LRRC1: variants seen among roughly 807,000 people sequenced by gnomAD.
The protein encoded by LRRC1 is leucine rich repeat containing 1.
LRRC1 carries 28 observed loss-of-function variants against 69.9 expected under a neutral mutation model. The observed-to-expected ratio is 0.40, with a 90% confidence interval of 0.30 to 0.55. The LOEUF is 0.55. Ranked by LOEUF, LRRC1 falls within the 20% of genes least tolerant of loss-of-function variation. LRRC1 has a pLI of 0.47. For synonymous variants in LRRC1, 236 were observed against 240.2 expected (o/e 0.98, Z 0.16); for missense variants, 498 against 609.0 (o/e 0.82, Z 1.92).
chr6:53,894,119 G>T (rs1767792131), intron 4 of LRRC1, among the ~76,000 whole-genome samples: 1 of 152,214 alleles, frequency 6.6e-6, no homozygotes, highest in African/African-American at 2.4e-5. Flanking sequence ...AGAGACACCT[G>T]GAGATGCCTC....
intron 1 of LRRC1, among the ~76,000 whole-genome samples, chr6:53,836,374 G>A (rs768565510): frequency 2.0e-5 from 3 of 152,144 alleles, no homozygotes; most frequent in South Asian, 2.1e-4. Context: ...TCAGTATTGC[G>A]GCAACCTTGA....
chr6:53,800,237 GTTTC>G (rs1764433159), intron 1 of LRRC1, among the ~76,000 whole-genome samples: 1 of 137,848 alleles, frequency 7.3e-6, no homozygotes, highest in African/African-American at 2.7e-5. Context: ...TTAAAATAAT[GTTTC>G]TTTTTCTTTT....
At chr6:53,817,218 G>A (rs779101331) in intron 1 of LRRC1, among the ~76,000 whole-genome samples, 2 of 151,996 alleles carry the variant, frequency 1.3e-5, no homozygotes, top group African/African-American at 4.8e-5. Flanking sequence ...ATCTGGCACT[G>A]TGCATATCTG....
chr6:53,920,822 C>T (rs983845808), intron 13 of LRRC1, 61 bp downstream of exon 13: 104 of 1,555,322 alleles, frequency 6.7e-5, no homozygotes, highest in Non-Finnish European at 8.8e-5. Flanking sequence ...TAGAATGGCA[C>T]CTAATAAGGA....
intron 1 of LRRC1, among the ~76,000 whole-genome samples, chr6:53,822,081 C>T (rs1156965953): frequency 2.0e-5 from 3 of 152,074 alleles, no homozygotes; most frequent in East Asian, 3.9e-4. Context: ...TTTGTTGTTA[C>T]CCTAGCTGTG....
At chr6:53,837,182 T>A (rs184878599) in intron 1 of LRRC1, among the ~76,000 whole-genome samples, 450 of 139,300 alleles carry the variant, frequency 3.2e-3, no homozygotes, top group African/African-American at 8.4e-3. Context: ...AAGCACATTT[T>A]TATATATATA....
At chr6:53,896,450 A>G (rs201298626) in intron 4 of LRRC1, 48 bp from the exon 5 acceptor site, 715 of 1,497,916 alleles carry the variant, frequency 4.8e-4, no homozygotes, top group Middle Eastern at 3.1e-3. Context: ...GGTAGGAAGA[A>G]TCTCAGGAAT....
chr6:53,804,358 T>C (rs1764577809), intron 1 of LRRC1, among the ~76,000 whole-genome samples: 1 of 152,224 alleles, frequency 6.6e-6, no homozygotes, highest in South Asian at 2.1e-4. Context: ...AAAATACCCA[T>C]CACCTCACAT....
At position 53,889,661 on chromosome 6, in the gene LRRC1, A is replaced by G. The variant is rs192212742; in HGVS notation, c.446+6685A>G. On this transcript the variant is annotated intron_variant, in intron 4 of 13. Coordinates refer to ENST00000370888, the MANE Select transcript of LRRC1 (RefSeq NM_018214.5). ...TGGGGTGGAGGAATGACTTCTAATG[A>G]GTATGAATTTTCTTTTCGGTATGAT... 4.0e-3 allele frequency among the ~76,000 whole-genome samples: 611 copies of G among 152,256 alleles called. 3 individuals are homozygous for G. Among genetic ancestry groups the G allele is most frequent in the Middle Eastern group, 0.027 (8 of 294 alleles).
intron 2 of LRRC1, among the ~76,000 whole-genome samples, chr6:53,843,575 T>A (rs1334693798): frequency 6.6e-6 from 1 of 152,190 alleles, no homozygotes; most frequent in Non-Finnish European, 1.5e-5. Context: ...AAAACAAAAC[T>A]TTTTTGGGGG....
intron 2 of LRRC1, among the ~76,000 whole-genome samples, chr6:53,864,267 C>T (rs1442346653): frequency 6.6e-6 from 1 of 152,154 alleles, no homozygotes; most frequent in Non-Finnish European, 1.5e-5. Context: ...CTCCTCATAA[C>T]AGCAGGTTCA....
intron 1 of LRRC1, among the ~76,000 whole-genome samples, chr6:53,836,605 C>G (rs1287068409): frequency 6.6e-6 from 1 of 152,028 alleles, no homozygotes; most frequent in African/African-American, 2.4e-5. Context: ...TTGGTATTTT[C>G]CTTCCTAATT....
At chr6:53,883,353 A>G (rs1463237377) in intron 4 of LRRC1, among the ~76,000 whole-genome samples, 1 of 152,100 alleles carries the variant, frequency 6.6e-6, no homozygotes, top group Middle Eastern at 3.2e-3. Flanking sequence ...CCAACAAACA[A>G]CTCCATTAAA....
intron 10 of LRRC1, among the ~76,000 whole-genome samples, chr6:53,906,925 G>A (rs1768259289): frequency 6.6e-6 from 1 of 152,252 alleles, no homozygotes; most frequent in African/African-American, 2.4e-5. Flanking sequence ...GTAGGAAAAT[G>A]TGCTGAGCAC....
intron 1 of LRRC1, among the ~76,000 whole-genome samples, chr6:53,834,359 C>T (rs1480343891): frequency 6.6e-6 from 1 of 152,184 alleles, no homozygotes; most frequent in Non-Finnish European, 1.5e-5. Context: ...CTTCCGCTCG[C>T]AACTTGTCAA....
At chr6:53,851,308 A>G (rs1766127526) in intron 2 of LRRC1, among the ~76,000 whole-genome samples, 1 of 152,080 alleles carries the variant, frequency 6.6e-6, no homozygotes, top group Non-Finnish European at 1.5e-5. Flanking sequence ...CTGGGGACTG[A>G]GAAATTCCAG....
intron 1 of LRRC1, among the ~76,000 whole-genome samples, chr6:53,811,749 G>A (rs1393425780): frequency 6.6e-6 from 1 of 152,172 alleles, no homozygotes; most frequent in African/African-American, 2.4e-5. Context: ...CTTTGCCTGG[G>A]GACACTCAGC....
chr6:53,862,395 A>C (rs1166414975), intron 2 of LRRC1, among the ~76,000 whole-genome samples: 2 of 151,854 alleles, frequency 1.3e-5, no homozygotes, highest in African/African-American at 4.8e-5. Flanking sequence ...TTTTTTCTGC[A>C]CATTATCCCA....
In LRRC1 at chr6:53,882,897, A is replaced by G. The variant is rs1420152394; in HGVS notation, c.367A>G (p.Ser123Gly). The stretch of plus-strand genomic sequence containing the variant: ...TTTGTTTGATTTTAGGTTGCCAGAA[A>G]GCTTTCCTGAATTACAGAATTTAAC... ...SGNPLTRLPE[S>G]FPELQNLTCL... Residue 123 changes from serine (S) to glycine (G), a missense_variant, in exon 4 of 14, where the codon AGC becomes GGC. Transcript: ENST00000370888. The G allele has an allele frequency of 6.2e-7, 1 of 1,606,860 alleles. No homozygotes were observed. The highest frequency in any genetic ancestry group is 8.5e-7 in the Non-Finnish European group (1 of 1,177,168).
Sources: gnomAD v4.1 joint callset for allele counts (sites outside exome capture counted in the v4.1 genomes callset) on GRCh38, gnomAD v4.1.1 for gene constraint, MANE v1.5 for transcripts, NCBI Gene and HGNC (gene_info 2026-07-23, HGNC 2026-07-21) for gene names.